The following SYMPK variants were observed in gnomAD, a reference collection of about 807,000 sequenced individuals.
SYMPK encodes symplekin scaffold protein.
SYMPK carries 49 observed loss-of-function variants against 136.4 expected under a neutral mutation model. The ratio of observed to expected loss-of-function variants is 0.36; its 90% CI spans 0.29 to 0.46. SYMPK has a LOEUF of 0.46. SYMPK is among the 20% of genes least tolerant of loss of function. SYMPK has a pLI of 1.00. For synonymous variants in SYMPK, 766 were observed against 713.0 expected (o/e 1.07, Z -1.19); for missense variants, 1,365 against 1,690.0 (o/e 0.81, Z 3.37).
Position 45,823,042 on chromosome 19 carries a change from CAT to C in SYMPK, c.2701-198_2701-197del, listed in dbSNP as rs113757629. 1.8e-4 allele frequency among the ~76,000 whole-genome samples: 27 copies of C among 152,330 alleles called. No individual in the cohort carries two copies. In the South Asian group the frequency reaches 4.8e-3, roughly 27 times the overall value. ...CCCCATCTGAGCCCCCTGCATGTCA[CAT>C]GTGTGTGCCCCCAAGAGGCATCCTG... is the stretch of plus-strand genomic sequence containing the variant. On this transcript the variant is annotated intron_variant, in intron 20 of 26. Coordinates refer to ENST00000245934, the MANE Select transcript of SYMPK (RefSeq NM_004819.3).
intron 1 of SYMPK, among the ~76,000 whole-genome samples, chr19:45,860,714 G>A (rs1211017976): frequency 1.3e-5 from 2 of 152,152 alleles, no homozygotes; most frequent in Non-Finnish European, 2.9e-5. Context: ...CGCAATCTCA[G>A]CTCACCGCAA....
intron 15 of SYMPK, 71 bp from the exon 16 acceptor site, chr19:45,827,694 G>T: frequency 6.6e-7 from 1 of 1,517,528 alleles, no homozygotes; most frequent in East Asian, 2.3e-5. Flanking sequence ...TTTCCTGCCT[G>T]CCTCTGATCA....
chr19:45,859,810 A>C (rs1009410816), intron 1 of SYMPK, among the ~76,000 whole-genome samples: 2 of 151,826 alleles, frequency 1.3e-5, no homozygotes, highest in African/African-American at 4.8e-5. Flanking sequence ...GGGAGGCTGA[A>C]GCAGGAAGAG....
At chr19:45,831,804 G>C (rs903903849) in intron 11 of SYMPK, among the ~76,000 whole-genome samples, 1 of 152,162 alleles carries the variant, frequency 6.6e-6, no homozygotes, top group African/African-American at 2.4e-5. Context: ...GGGGGGAGCA[G>C]CAAATGCTAC....
chr19:45,819,697 C>G (rs1007075685), intron 22 of SYMPK: 5 of 152,406 alleles, frequency 3.3e-5, no homozygotes, highest in Non-Finnish European at 7.3e-5. Context: ...CAGCACTACC[C>G]AGGATGGATA....
intron 1 of SYMPK, among the ~76,000 whole-genome samples, chr19:45,860,959 G>A (rs1018308156): frequency 4.6e-5 from 7 of 152,250 alleles, no homozygotes; most frequent in Non-Finnish European, 7.3e-5. Context: ...TCAGCAGCAT[G>A]GCTGCATATC....
chr19:45,839,393 G>A (rs947768669), intron 9 of SYMPK, among the ~76,000 whole-genome samples: 7 of 152,194 alleles, frequency 4.6e-5, no homozygotes, highest in Non-Finnish European at 7.3e-5. Flanking sequence ...ATGCTAGTAA[G>A]TAAGTGAAAT....
intron 14 of SYMPK, chr19:45,828,712 A>G: frequency 1.9e-6 from 1 of 540,476 alleles, no homozygotes; most frequent in Non-Finnish European, 3.3e-6. Flanking sequence ...AGAGGGAGTG[A>G]CAAAGCCACG....
chr19:45,829,034 T>C lies in SYMPK; in HGVS notation c.1921A>G (p.Lys641Glu), dbSNP rs1971110052. ...AGGCGGATGAGGCAGTCCTCATACTTGTCCAGGGAGCCCGAGGCACCTGCG... is the reference window on the plus strand; with the variant it reads ...AGGCGGATGAGGCAGTCCTCATACTCGTCCAGGGAGCCCGAGGCACCTGCG... Reference protein sequence around the residue: ...LAAGASGSLDKYEDCLIRLLS... With the variant: ...LAAGASGSLDEYEDCLIRLLS... Residue 641 changes from lysine to glutamate, a missense_variant, in exon 14 of 27, where the codon AAG becomes GAG. Coordinates refer to ENST00000245934, the MANE Select transcript of SYMPK (RefSeq NM_004819.3). 1 of 1,614,116 alleles carries C rather than the reference T, an allele frequency of 6.2e-7. No homozygotes were observed. The highest frequency in any genetic ancestry group is 8.5e-7 in the Non-Finnish European group (1 of 1,180,034).
chr19:45,856,037 A>C (rs1971814223), intron 1 of SYMPK, among the ~76,000 whole-genome samples: 2 of 151,586 alleles, frequency 1.3e-5, no homozygotes, highest in African/African-American at 2.4e-5. Context: ...TAAACCAAAA[A>C]CCAGCAGAGG....
At chr19:45,848,613 G>A in intron 6 of SYMPK, 137 bp downstream of exon 6, 2 of 1,218,728 alleles carry the variant, frequency 1.6e-6, no homozygotes, top group South Asian at 2.7e-5. Flanking sequence ...AGCTCTCCAT[G>A]TTATCTGTTC....
chr19:45,817,417 C>CTTTTTTTTTTTTTTTTTTTT (rs559430104), intron 23 of SYMPK, among the ~76,000 whole-genome samples: 5 of 108,480 alleles, frequency 4.6e-5, no homozygotes, highest in African/African-American at 1.8e-4. Context: ...TTTTTGTTCT[C>CTTTTTTTTTTTTTTTTTTTT]TTTTTTTTTT....
At chr19:45,838,276 CTAAGCAGATGCCAGCA>C (rs1971353318) in intron 10 of SYMPK, among the ~76,000 whole-genome samples, 169 bp downstream of exon 10, 1 of 152,054 alleles carries the variant, frequency 6.6e-6, no homozygotes, top group Admixed American at 6.6e-5. Flanking sequence ...TCCCCAGAAG[CTAAGCAGATGCCAGCA>C]CCACGCTTCC....
At chr19:45,824,812 T>C (rs1263181917) in intron 18 of SYMPK, among the ~76,000 whole-genome samples, 1 of 152,176 alleles carries the variant, frequency 6.6e-6, no homozygotes, top group African/African-American at 2.4e-5. Flanking sequence ...GAAGGCCAGC[T>C]CATAAAGTGA....
At chr19:45,828,074 G>A (rs1971088267) in intron 14 of SYMPK, 156 bp from the exon 15 acceptor site, 3 of 633,522 alleles carry the variant, frequency 4.7e-6, no homozygotes, top group Non-Finnish European at 8.4e-6. Flanking sequence ...AACAGAACAG[G>A]GTTCAAAAGC....
chr19:45,816,252 A>G (rs1288411566), intron 25 of SYMPK, 69 bp from the exon 26 acceptor site: 29 of 1,233,344 alleles, frequency 2.4e-5, no homozygotes, highest in Non-Finnish European at 3.0e-5. Context: ...AAAGAGAAGG[A>G]ACCACCCTGA....
rs1242406145 is a variant in SYMPK, at chr19:45,821,113, G to A, written c.2893+271C>T. ...TACCCAACTGCTTTAGGCCCACTCTGTGCCAGGGCACAGCAGGTACATCAG... is the reference window on the plus strand; with the variant it reads ...TACCCAACTGCTTTAGGCCCACTCTATGCCAGGGCACAGCAGGTACATCAG... On this transcript the variant is annotated intron_variant, in intron 22 of 26. Transcript: ENST00000245934. This position sits in a 1 kb window ranked among gnomAD's most constrained non-coding sequence, Gnocchi z 4.4. 2 of 679,930 alleles carry A rather than the reference G, an allele frequency of 2.9e-6. No individual in the cohort carries two copies. The highest frequency in any genetic ancestry group is 5.3e-6 in the Non-Finnish European group (2 of 374,768). 42.1% of individuals were successfully genotyped at this position (679,930 alleles called of 1,614,324 possible).
At chr19:45,847,616 A>G (rs1971596061) in intron 7 of SYMPK, 136 bp downstream of exon 7, 2 of 1,061,146 alleles carry the variant, frequency 1.9e-6, no homozygotes, top group Non-Finnish European at 2.7e-6. Flanking sequence ...TGAACCTAGC[A>G]CCAGGGATCT....
chr19:45,816,952 C>A lies in SYMPK; in HGVS notation c.3104G>T (p.Trp1035Leu). 2 of 1,562,002 alleles carry A rather than the reference C, an allele frequency of 1.3e-6. No homozygotes were observed. Among genetic ancestry groups the A allele is most frequent in the East Asian group, 2.4e-5 (1 of 42,034 alleles). The change falls in exon 24 of 27, where the codon TGG becomes TTG. Residue 1035 changes from tryptophan to leucine, a missense_variant. Physicochemically the swap from Trp to Leu is moderately conservative, Grantham distance 61 (BLOSUM62 -2). Transcript: ENST00000245934. ...MKQVWKYPKV[W>L]EGFIKCCQRT... ...CTGGCAGCACTTGATGAAGCCCTCC[C>A]ACACCTTGGGGTACTTCCACACCTG...
Sources: gnomAD v4.1 joint callset for allele counts (sites outside exome capture counted in the v4.1 genomes callset) on GRCh38, gnomAD v4.1.1 for gene constraint, Gnocchi (gnomAD v3.1) non-coding constraint, MANE v1.5 for transcripts, NCBI Gene and HGNC (gene_info 2026-07-23, HGNC 2026-07-21) for gene names.